The following PARD3B variants were observed in gnomAD, a reference collection of about 807,000 sequenced individuals.
The protein encoded by PARD3B is par-3 family cell polarity regulator beta.
Under a neutral mutation model 130.2 loss-of-function variants are expected in PARD3B, and 103 were observed. The ratio of observed to expected loss-of-function variants is 0.79; its 90% CI spans 0.67 to 0.93. The LOEUF (loss-of-function observed/expected upper bound fraction) is 0.93. Among genes scored for constraint, PARD3B ranks in the 40% least tolerant of loss-of-function variants. The probability of loss-of-function intolerance (pLI) is 0.00; values close to 1 mark genes in which losing one functional copy is unlikely to be tolerated. For missense variants in PARD3B, 1,609 were observed against 1,499.2 expected, an observed-to-expected ratio of 1.07 and a Z score of -1.21; for synonymous variants, 583 against 553.2, an observed-to-expected ratio of 1.05 and a Z score of -0.76.
chr2:204,795,367 C>T (rs2125486409), intron 2 of PARD3B, among the ~76,000 whole-genome samples: 1 of 152,200 alleles, frequency 6.6e-6, no homozygotes, highest in East Asian at 1.9e-4. Context: ...GAGTTGCTTC[C>T]AAAAGCAAGA....
intron 10 of PARD3B, among the ~76,000 whole-genome samples, chr2:205,145,852 C>T (rs571120870): frequency 6.6e-6 from 1 of 151,374 alleles, no homozygotes; most frequent in Admixed American, 6.6e-5. Flanking sequence ...ACCTTTTCCC[C>T]CAGATTTTTT....
In PARD3B at chr2:204,759,270, T is replaced by G. The variant is rs971574983; in HGVS notation, c.222+72988T>G. Among the ~76,000 whole-genome samples the G allele has an allele frequency of 2.0e-5, 3 of 152,182 alleles. No homozygotes were observed. The East Asian group carries it at 5.8e-4, about 29-fold the overall frequency. On this transcript the variant is annotated intron_variant, in intron 2 of 22. Transcript: ENST00000406610. ...CTTTAAGTTTTTTGTAGTGTTAATTTATTTCAAAATGTAGTATGTATACCT... is the reference window on the plus strand; with the variant it reads ...CTTTAAGTTTTTTGTAGTGTTAATTGATTTCAAAATGTAGTATGTATACCT...
chr2:205,167,837 C>T (rs926814797), intron 11 of PARD3B, among the ~76,000 whole-genome samples: 1 of 152,158 alleles, frequency 6.6e-6, no homozygotes, highest in African/African-American at 2.4e-5. Flanking sequence ...TCCTAAATAG[C>T]AGAGAGTAGC....
chr2:205,249,280 A>G (rs2039732975), intron 16 of PARD3B, among the ~76,000 whole-genome samples: 1 of 151,816 alleles, frequency 6.6e-6, no homozygotes, highest in Non-Finnish European at 1.5e-5. Context: ...ACCAACAGGA[A>G]GTTAAACAAA....
At chr2:205,085,333 G>A (rs961067045) in intron 4 of PARD3B, among the ~76,000 whole-genome samples, 1 of 151,756 alleles carries the variant, frequency 6.6e-6, no homozygotes, top group Non-Finnish European at 1.5e-5. Flanking sequence ...ATGACTCTTA[G>A]CTAAAGGTAA....
At chr2:205,150,018 C>G (rs2033633392) in intron 10 of PARD3B, among the ~76,000 whole-genome samples, 1 of 152,158 alleles carries the variant, frequency 6.6e-6, no homozygotes, top group Non-Finnish European at 1.5e-5. Context: ...GTTGAAGGTT[C>G]TGTATGACCA....
At chr2:204,550,570 T>C (rs747838257) in intron 1 of PARD3B, among the ~76,000 whole-genome samples, 12 of 152,190 alleles carry the variant, frequency 7.9e-5, no homozygotes, top group Middle Eastern at 3.2e-3. Flanking sequence ...GCAGGCATGC[T>C]GGAATTTACA....
At chr2:204,843,689 C>G (rs2044343073) in intron 2 of PARD3B, among the ~76,000 whole-genome samples, 1 of 152,130 alleles carries the variant, frequency 6.6e-6, no homozygotes, top group South Asian at 2.1e-4. Context: ...ACTCAGTTTC[C>G]ATAATCAACC....
chr2:205,411,997 A>G (rs1356860845), intron 19 of PARD3B, among the ~76,000 whole-genome samples: 2 of 152,160 alleles, frequency 1.3e-5, no homozygotes, highest in East Asian at 3.9e-4. Context: ...CAAAATTCTC[A>G]TATTTGCATT....
rs552766373 is a variant in PARD3B, at chr2:204,795,426, G to A, written c.222+109144G>A. Among the ~76,000 whole-genome samples the A allele has an allele frequency of 7.2e-5, 11 of 152,302 alleles. No homozygotes were observed. In the South Asian group the frequency reaches 2.1e-3, roughly 29 times the overall value. On this transcript the variant is annotated intron_variant, in intron 2 of 22. Transcript: ENST00000406610. Reference sequence around the variant, plus strand: ...GTGGACTTCTGAGATGACTGGTCACGTTTGAGGATTTGGGGCTTATTTGGA... The same window carrying A: ...GTGGACTTCTGAGATGACTGGTCACATTTGAGGATTTGGGGCTTATTTGGA...
intron 2 of PARD3B, among the ~76,000 whole-genome samples, chr2:204,752,790 T>A (rs2040516220): frequency 6.6e-6 from 1 of 152,176 alleles, no homozygotes; most frequent in Admixed American, 6.6e-5. Flanking sequence ...CTTGACCATG[T>A]ACAATTGCGT....
intron 2 of PARD3B, among the ~76,000 whole-genome samples, chr2:204,819,514 T>A (rs1271529450): frequency 6.6e-6 from 1 of 152,166 alleles, no homozygotes; most frequent in East Asian, 1.9e-4. Context: ...ATAATATACT[T>A]AGGCCAATTG....
rs73984455 is a variant in PARD3B, at chr2:204,959,886, A to G, written c.223-5266A>G. Among the ~76,000 whole-genome samples, 1,328 of 152,272 alleles carry G rather than the reference A, an allele frequency of 8.7e-3. 18 individuals are homozygous for G. The highest frequency in any genetic ancestry group is 0.03 in the African/African-American group (1,261 of 41,534). On this transcript the variant is annotated intron_variant, in intron 2 of 22. Transcript: ENST00000406610. The stretch of plus-strand genomic sequence containing the variant: ...AAAATAATTCACACATACCACGTTA[A>G]TGTATTTATTTCCATGTGTTTTCCT...
chr2:204,779,870 T>G (rs987320580), intron 2 of PARD3B, among the ~76,000 whole-genome samples: 8 of 152,192 alleles, frequency 5.3e-5, no homozygotes, highest in Admixed American at 1.3e-4. Context: ...TGCATGCAGA[T>G]GACTAATCCA....
chr2:205,048,843 A>T (rs1345212159), intron 4 of PARD3B, among the ~76,000 whole-genome samples: 2 of 152,146 alleles, frequency 1.3e-5, no homozygotes, highest in Non-Finnish European at 2.9e-5. Flanking sequence ...TTTTCCACTA[A>T]CCTATTTAAA....
rs1378342408 is a variant in PARD3B at position 205,280,528 on chromosome 2, C to T, written c.2186-20002C>T. ...TTGAAAACCTTTTCTGTTTCCTTCT[C>T]TTTTTTCTTAAGGGAGGGCTTTGGT... is the stretch of plus-strand genomic sequence containing the variant. On this transcript the variant is annotated intron_variant, in intron 16 of 22. Coordinates refer to ENST00000406610, the MANE Select transcript of PARD3B (RefSeq NM_001302769.2). The surrounding 1 kb of genome is among the most constrained non-coding windows in gnomAD (Gnocchi z 4.7). 6.6e-6 allele frequency among the ~76,000 whole-genome samples: 1 copy of T among 152,128 alleles called. No individual in the cohort carries two copies. The highest frequency in any genetic ancestry group is 1.5e-5 in the Non-Finnish European group (1 of 68,012).
chr2:204,546,094 A>C lies in PARD3B; in HGVS notation c.95A>C (p.Gln32Pro), dbSNP rs1421683158. 3 of 1,556,878 alleles carry C rather than the reference A, an allele frequency of 1.9e-6. No homozygotes were observed. The highest frequency in any genetic ancestry group is 1.4e-5 in the African/African-American group (1 of 73,290). Residue 32 changes from glutamine (Q) to proline (P), a missense_variant, in exon 1 of 23, where the codon CAG becomes CCG. Gln to Pro is a moderately conservative substitution (Grantham distance 76, BLOSUM62 -1). Coordinates refer to ENST00000406610, the MANE Select transcript of PARD3B (RefSeq NM_001302769.2). ...GGCGAGCTCACCCAGCAGGCGCTGCAGCGGTACCTGAAGACCCGGGAGAAG... is the reference window on the plus strand; with the variant it reads ...GGCGAGCTCACCCAGCAGGCGCTGCCGCGGTACCTGAAGACCCGGGAGAAG... ...RVGELTQQAL[Q>P]RYLKTREKGP...
intron 2 of PARD3B, among the ~76,000 whole-genome samples, chr2:204,921,581 G>A (rs906413917): frequency 2.0e-5 from 3 of 152,094 alleles, no homozygotes; most frequent in Non-Finnish European, 4.4e-5. Context: ...AGACAGGAGA[G>A]GGTGGTGTTT....
intron 3 of PARD3B, among the ~76,000 whole-genome samples, chr2:204,999,729 A>C (rs1270774763): frequency 1.3e-5 from 2 of 152,206 alleles, no homozygotes; most frequent in Non-Finnish European, 2.9e-5. Context: ...ACAGTATTGT[A>C]GGTGATAAAG....
Sources: allele counts gnomAD v4.1 joint callset (sites outside exome capture counted in the v4.1 genomes callset), GRCh38; gene constraint gnomAD v4.1.1; non-coding constraint Gnocchi (gnomAD v3.1); transcripts MANE v1.5; gene names NCBI Gene and HGNC (gene_info 2026-07-23, HGNC 2026-07-21).